The following NLRP5 variants were observed in gnomAD, a reference collection of about 807,000 sequenced individuals.
NLRP5 encodes NLR family pyrin domain containing 5.
In NLRP5, 93 loss-of-function variants were observed where a neutral mutation model predicts 113.1. The observed-to-expected ratio is 0.82, with a 90% CI of 0.70 to 0.98. The LOEUF is 0.98. Ranked by LOEUF, NLRP5 falls within the 50% of genes least tolerant of loss-of-function variation. The pLI is 0.00. For synonymous variants in NLRP5, 751 were observed against 600.7 expected, an observed-to-expected ratio of 1.25 and a Z score of -3.66; for missense variants, 1,808 against 1,514.3, an observed-to-expected ratio of 1.19 and a Z score of -3.22.
intron 3 of NLRP5, among the ~76,000 whole-genome samples, chr19:56,014,783 C>T (rs1165518013): frequency 6.6e-6 from 1 of 152,022 alleles, no homozygotes; most frequent in Non-Finnish European, 1.5e-5. Context: ...TATATCTGAC[C>T]TTGTGCCTGA....
chr19:56,001,888 C>A (rs1981666403), intron 1 of NLRP5, among the ~76,000 whole-genome samples: 1 of 151,918 alleles, frequency 6.6e-6, no homozygotes, highest in South Asian at 2.1e-4. Context: ...TGTCATCTAC[C>A]ACAAAGTAAT....
the NLRP5 span, among the ~76,000 whole-genome samples, chr19:55,991,996 T>C: frequency 6.6e-6 from 1 of 152,148 alleles, no homozygotes; most frequent in Non-Finnish European, 1.5e-5. Context: ...CCAGTCGTTA[T>C]TTCTTTCTGC....
intron 2 of NLRP5, among the ~76,000 whole-genome samples, chr19:56,008,150 G>T (rs1190799563): frequency 6.6e-6 from 1 of 151,244 alleles, no homozygotes; most frequent in African/African-American, 2.4e-5. Flanking sequence ...GGATGGTCTC[G>T]ATCTCCTGAC....
At chr19:56,002,164 A>T (rs1419710061) in intron 1 of NLRP5, among the ~76,000 whole-genome samples, 2 of 152,280 alleles carry the variant, frequency 1.3e-5, no homozygotes, top group East Asian at 3.9e-4. Flanking sequence ...GTGATTTACG[A>T]CATTAATCTT....
intron 3 of NLRP5, among the ~76,000 whole-genome samples, chr19:56,012,962 T>C (rs1401015543): frequency 1.3e-5 from 2 of 152,142 alleles, no homozygotes; most frequent in African/African-American, 4.8e-5. Context: ...ATTCAGTGTT[T>C]TATTGTATTA....
rs369622191 is a variant in NLRP5, at chr19:56,043,542, C to CTTTT, written c.2957+2488_2957+2491dup. 1.1e-3 allele frequency among the ~76,000 whole-genome samples: 99 copies of CTTTT among 92,856 alleles called. 13 individuals are homozygous for CTTTT. Among genetic ancestry groups the CTTTT allele is most frequent in the East Asian group, 2.8e-3 (6 of 2,106 alleles). The allele number at this position is 92,856 out of a possible 152,430, so 60.9% of individuals were successfully genotyped here. On this transcript the variant is annotated intron_variant, in intron 11 of 14. Transcript: ENST00000390649. ...TGGATTGTCTGTTTACTCTGCTATTCTTTTTTTTTTTTTTTTTTTTTTTTT... is the reference window on the plus strand; with the variant it reads ...TGGATTGTCTGTTTACTCTGCTATTCTTTTTTTTTTTTTTTTTTTTTTTTTTTTT...
At chr19:56,014,478 CAA>C (rs3055393) in intron 3 of NLRP5, among the ~76,000 whole-genome samples, 17,979 of 136,858 alleles carry the variant, frequency 0.13, 1,403 homozygotes, top group African/African-American at 0.24. Context: ...CGCTCCATCT[CAA>C]AAAAAAAAAA....
At position 56,026,965 on chromosome 19, in the gene NLRP5, T is replaced by C. The variant is rs1982877720; in HGVS notation, c.732T>C (p.Ala244=). ...AGAGTCACGTGATGACCAAATTCGC[T>C]GAGGAGGAGGATGTACGTCGTAGTT... The change falls in exon 7 of 15, where the codon GCT becomes GCC. Residue 244 remains alanine, a synonymous_variant. Coordinates refer to ENST00000390649, the MANE Select transcript of NLRP5 (RefSeq NM_153447.4). The C allele has an allele frequency of 6.4e-7, 1 of 1,551,590 alleles. No individual in the cohort carries two copies. Among genetic ancestry groups the C allele is most frequent in the Non-Finnish European group, 8.7e-7 (1 of 1,146,992 alleles).
chr19:56,030,711 C>CTT (rs1251579019), intron 7 of NLRP5, among the ~76,000 whole-genome samples: 23 of 47,768 alleles, frequency 4.8e-4, no homozygotes, highest in Admixed American at 1.0e-3. Context: ...TCGCTTTCTT[C>CTT]TTCTTTTTTT....
At chr19:56,010,742 C>CAAAAAAAAAAGAAAAAAAAAAAAA (rs1982152044) in intron 3 of NLRP5, among the ~76,000 whole-genome samples, 2 of 41,278 alleles carry the variant, frequency 4.8e-5, no homozygotes, top group Non-Finnish European at 8.6e-5. Context: ...AACTCTGTCT[C>CAAAAAAAAAAGAAAAAAAAAAAAA]AAAAAAAAAA....
Position 56,058,155 on chromosome 19 carries a change from A to G in NLRP5, c.3300-85A>G, listed in dbSNP as rs957698609. ...TTTTGTTTTGTTTTCCCAAAGAAAA[A>G]GTATCAAGGTGAAATTCATACGGGT... On this transcript the variant is annotated intron_variant, in intron 13 of 14. Transcript: ENST00000390649. 6.8e-6 allele frequency: 7 copies of G among 1,022,334 alleles called. No individual in the cohort carries two copies. In the African/African-American group the frequency reaches 1.1e-4, roughly 17 times the overall value. The allele number at this position is 1,022,334 out of a possible 1,614,324, so 63.3% of individuals were successfully genotyped here.
At chr19:56,014,921 C>T (rs1016979590) in intron 3 of NLRP5, among the ~76,000 whole-genome samples, 2 of 152,118 alleles carry the variant, frequency 1.3e-5, no homozygotes. Flanking sequence ...TATCAATCAG[C>T]TTTACAATTT....
intron 3 of NLRP5, among the ~76,000 whole-genome samples, chr19:56,009,768 G>A (rs375546739): frequency 3.3e-5 from 5 of 152,270 alleles, no homozygotes; most frequent in East Asian, 3.9e-4. Context: ...AGTGTTGACC[G>A]TGAAACCTAA....
intron 13 of NLRP5, among the ~76,000 whole-genome samples, chr19:56,057,064 A>AG (rs1984181980): frequency 6.6e-6 from 1 of 152,148 alleles, no homozygotes; most frequent in Admixed American, 6.5e-5. Flanking sequence ...TGAACTGGGG[A>AG]GGTGGAGGTC....
intron 1 of NLRP5, among the ~76,000 whole-genome samples, chr19:55,999,947 G>A (rs1256709426): frequency 6.6e-6 from 1 of 152,154 alleles, no homozygotes; most frequent in Non-Finnish European, 1.5e-5. Context: ...GTGAAAGAAT[G>A]CAGGAAAAAG....
At chr19:56,004,196 T>C (rs912182476) in intron 2 of NLRP5, 101 bp downstream of exon 2, 3 of 1,271,958 alleles carry the variant, frequency 2.4e-6, no homozygotes, top group African/African-American at 1.5e-5. Flanking sequence ...GCTCCACCTC[T>C]GCAGTGTGAG....
chr19:56,017,940 A>G (rs1006234307), intron 4 of NLRP5, among the ~76,000 whole-genome samples: 2 of 152,150 alleles, frequency 1.3e-5, no homozygotes, highest in Non-Finnish European at 2.9e-5. Flanking sequence ...TGACTTCCTT[A>G]GTAGCTGTAT....
intron 7 of NLRP5, among the ~76,000 whole-genome samples, chr19:56,030,061 T>TAAAA (rs1290841210): frequency 1.4e-5 from 2 of 139,620 alleles, no homozygotes; most frequent in Non-Finnish European, 3.1e-5. Context: ...TCTCAAAAAA[T>TAAAA]AAAAAAAGCC....
At chr19:56,061,045 G>A (rs987156970) in intron 14 of NLRP5, among the ~76,000 whole-genome samples, 2 of 152,172 alleles carry the variant, frequency 1.3e-5, no homozygotes, top group Non-Finnish European at 2.9e-5. Flanking sequence ...ATCATGGGTT[G>A]CATGTGCCAA....
Sources: gnomAD v4.1 joint callset for allele counts (sites outside exome capture counted in the v4.1 genomes callset) on GRCh38, gnomAD v4.1.1 for gene constraint, MANE v1.5 for transcripts, NCBI Gene and HGNC (gene_info 2026-07-23, HGNC 2026-07-21) for gene names.